The following KCNIP4 variants were observed in gnomAD, a reference collection of about 807,000 sequenced individuals.
KCNIP4 encodes the protein potassium voltage-gated channel interacting protein 4, also known as Kv channel-interacting protein 4.
Under a neutral mutation model 34.0 loss-of-function variants are expected in KCNIP4, and 12 were observed. The ratio of observed to expected loss-of-function variants is 0.35; its 90% CI spans 0.23 to 0.57. The LOEUF is 0.57. Ranked by LOEUF, KCNIP4 falls within the 20% of genes least tolerant of loss-of-function variation. The pLI is 0.83. For missense variants in KCNIP4, 238 were observed against 311.7 expected (o/e 0.76, Z 1.78); for synonymous variants, 124 against 102.2 (o/e 1.21, Z -1.29).
At chr4:21,799,823 C>T (rs1720876623) in intron 1 of KCNIP4, among the ~76,000 whole-genome samples, 1 of 152,136 alleles carries the variant, frequency 6.6e-6, no homozygotes, top group South Asian at 2.1e-4. Flanking sequence ...ATGGAGTAAA[C>T]TTGACACACT....
intron 1 of KCNIP4, among the ~76,000 whole-genome samples, chr4:21,861,679 C>T (rs1001957649): frequency 6.9e-5 from 8 of 115,202 alleles, no homozygotes; most frequent in African/African-American, 2.5e-4. Context: ...AAAAAAAATC[C>T]CAGCATCTAC....
At position 21,934,736 on chromosome 4, in the gene KCNIP4, A is replaced by G. The variant is rs751217732; in HGVS notation, c.61+13835T>C. On this transcript the variant is annotated intron_variant, in intron 1 of 8. Transcript: ENST00000382152. ...TGTCCAGGCAGGACAGTCAAGAAAT[A>G]AGAGTTCAGAGTATAGGCTGTGGAG... Among the ~76,000 whole-genome samples, 34 of 152,052 alleles carry G rather than the reference A, an allele frequency of 2.2e-4. 1 individual carries two copies. Among genetic ancestry groups the G allele is most frequent in the Admixed American group, 1.7e-3 (26 of 15,254 alleles).
At chr4:21,139,410 T>TA (rs1751759482) in intron 1 of KCNIP4, among the ~76,000 whole-genome samples, 2 of 152,198 alleles carry the variant, frequency 1.3e-5, no homozygotes, top group Non-Finnish European at 2.9e-5. Flanking sequence ...ATGTACTAGG[T>TA]AAAATGGTCA....
intron 1 of KCNIP4, among the ~76,000 whole-genome samples, chr4:21,165,729 A>T (rs938210798): frequency 1.3e-5 from 2 of 152,204 alleles, no homozygotes; most frequent in Non-Finnish European, 2.9e-5. Context: ...AAAGACACTG[A>T]CAGGAAAATA....
At chr4:21,017,454 T>C (rs28415440) in intron 1 of KCNIP4, among the ~76,000 whole-genome samples, 2,415 of 152,296 alleles carry the variant, frequency 0.016, 69 homozygotes, top group African/African-American at 0.055. Context: ...TGGTTTTCTG[T>C]TCCTCTGTTA....
intron 1 of KCNIP4, among the ~76,000 whole-genome samples, chr4:21,239,506 A>C (rs1399882509): frequency 6.6e-6 from 1 of 152,080 alleles, no homozygotes; most frequent in Non-Finnish European, 1.5e-5. Flanking sequence ...CAGAATCTAC[A>C]ATGAACTCAA....
At chr4:20,875,096 A>G (rs1461716276) in intron 2 of KCNIP4, among the ~76,000 whole-genome samples, 9 of 151,640 alleles carry the variant, frequency 5.9e-5, no homozygotes, top group Admixed American at 5.2e-4. Context: ...AGGCCCAGAG[A>G]GAAGGAAAAA....
At chr4:20,767,250 A>G (rs887632554) in intron 3 of KCNIP4, 2 of 152,164 alleles carry the variant, frequency 1.3e-5, no homozygotes, top group Admixed American at 6.6e-5. Context: ...CTAGTGTTAT[A>G]AGTTGAATCA....
chr4:21,405,397 CA>C (rs887836717), intron 1 of KCNIP4, among the ~76,000 whole-genome samples: 9 of 151,048 alleles, frequency 6.0e-5, no homozygotes, highest in South Asian at 2.1e-4. Context: ...CATAACTAAA[CA>C]AAAAAAAACC....
chr4:21,907,305 C>T (rs934947106), intron 1 of KCNIP4, among the ~76,000 whole-genome samples: 1 of 152,176 alleles, frequency 6.6e-6, no homozygotes, highest in Non-Finnish European at 1.5e-5. Flanking sequence ...GCCCCTCACA[C>T]GTTGTCTCTT....
chr4:21,517,943 T>C (rs1331569463), intron 1 of KCNIP4, among the ~76,000 whole-genome samples: 1 of 152,144 alleles, frequency 6.6e-6, no homozygotes, highest in Non-Finnish European at 1.5e-5. Context: ...TGTTATCCTA[T>C]TTATTCCACA....
intron 3 of KCNIP4, among the ~76,000 whole-genome samples, chr4:20,792,670 T>C (rs1712925121): frequency 6.6e-6 from 1 of 152,166 alleles, no homozygotes; most frequent in African/African-American, 2.4e-5. Flanking sequence ...AAAAATATTG[T>C]CCATAATGAA....
chr4:21,720,463 T>C (rs1030074406), intron 1 of KCNIP4, among the ~76,000 whole-genome samples: 1 of 152,122 alleles, frequency 6.6e-6, no homozygotes, highest in East Asian at 1.9e-4. Context: ...TTATTTTCTT[T>C]ATTTGTTTTA....
intron 1 of KCNIP4, among the ~76,000 whole-genome samples, chr4:21,129,956 C>T (rs1454929641): frequency 6.6e-6 from 1 of 151,842 alleles, no homozygotes; most frequent in Non-Finnish European, 1.5e-5. Context: ...TTCTTACATA[C>T]CATCCTCCTA....
intron 1 of KCNIP4, among the ~76,000 whole-genome samples, chr4:21,920,972 C>T (rs1728909185): frequency 6.6e-6 from 1 of 152,136 alleles, no homozygotes; most frequent in African/African-American, 2.4e-5. Context: ...AGAATGCATC[C>T]TGGTAAGTGC....
intron 3 of KCNIP4, among the ~76,000 whole-genome samples, chr4:20,768,195 T>C (rs977597130): frequency 5.3e-5 from 8 of 152,146 alleles, no homozygotes; most frequent in South Asian, 4.1e-4. Context: ...ACTAAAAATA[T>C]TTATGCTGAA....
intron 1 of KCNIP4, among the ~76,000 whole-genome samples, chr4:21,111,905 A>C (rs1233907431): frequency 2.0e-5 from 3 of 152,230 alleles, no homozygotes; most frequent in African/African-American, 7.2e-5. Context: ...AAAGAGGAAC[A>C]TGCTAATCCA....
intron 1 of KCNIP4, among the ~76,000 whole-genome samples, chr4:21,689,436 G>A (rs1343054905): frequency 1.3e-5 from 2 of 152,020 alleles, no homozygotes; most frequent in African/African-American, 4.8e-5. Flanking sequence ...CAGCTTAGAG[G>A]GGTCATCTAA....
intron 1 of KCNIP4, among the ~76,000 whole-genome samples, chr4:21,349,126 T>C (rs1317769086): frequency 1.3e-5 from 2 of 152,180 alleles, no homozygotes; most frequent in African/African-American, 4.8e-5. Flanking sequence ...ATAAATAATA[T>C]TGGCTGCATC....
Sources: allele counts gnomAD v4.1 joint callset (sites outside exome capture counted in the v4.1 genomes callset), GRCh38; gene constraint gnomAD v4.1.1; transcripts MANE v1.5; gene names NCBI Gene and HGNC (gene_info 2026-07-23, HGNC 2026-07-21).